The following BCAS4 variants were observed in gnomAD, a reference collection of about 807,000 sequenced individuals.
BCAS4 encodes breast carcinoma-amplified sequence 4.
In BCAS4, 9 loss-of-function variants were observed where a neutral mutation model predicts 15.7. The ratio of observed to expected loss-of-function variants is 0.57; its 90% CI spans 0.34 to 1.00. BCAS4 has a LOEUF of 1.00. BCAS4 is among the 50% of genes least tolerant of loss of function. The probability of loss-of-function intolerance (pLI) is 0.02; values close to 1 mark genes in which losing one functional copy is unlikely to be tolerated. For synonymous variants in BCAS4, 101 were observed against 99.5 expected, an observed-to-expected ratio of 1.02 and a Z score of -0.09; for missense variants, 225 against 239.1, an observed-to-expected ratio of 0.94 and a Z score of 0.39.
Position 50,818,649 on chromosome 20 carries a change from C to T in BCAS4, c.162+367C>T, listed in dbSNP as rs1471429286. 2.0e-5 allele frequency among the ~76,000 whole-genome samples: 3 copies of T among 152,264 alleles called. No individual in the cohort carries two copies. In the East Asian group the frequency reaches 5.8e-4, roughly 29 times the overall value. On this transcript the variant is annotated intron_variant, in intron 2 of 4. Transcript: ENST00000371608. ...ACTTTCCTCAGCTCTGCACCGTCCC[C>T]TGTGCAAACATGGAGACAGCCAGGA...
chr20:50,872,886 A>C (rs1028523347), intron 4 of BCAS4, among the ~76,000 whole-genome samples: 1 of 152,252 alleles, frequency 6.6e-6, no homozygotes, highest in African/African-American at 2.4e-5. Flanking sequence ...CTTCCAGGCC[A>C]GTGGCCCTCC....
chr20:50,860,843 G>A (rs1979029819), intron 4 of BCAS4, among the ~76,000 whole-genome samples: 1 of 151,948 alleles, frequency 6.6e-6, no homozygotes, highest in South Asian at 2.1e-4. Flanking sequence ...CACTGTCCTT[G>A]AGCCTGGCGA....
intron 1 of BCAS4, among the ~76,000 whole-genome samples, chr20:50,812,854 C>T (rs965546369): frequency 6.6e-6 from 1 of 151,728 alleles, no homozygotes; most frequent in Non-Finnish European, 1.5e-5. Flanking sequence ...CTTGCTTTGT[C>T]ATCCAGGCTG....
intron 2 of BCAS4, among the ~76,000 whole-genome samples, chr20:50,826,038 C>A (rs1458563022): frequency 6.6e-6 from 1 of 152,112 alleles, no homozygotes; most frequent in Admixed American, 6.6e-5. Context: ...CCAGCCCATA[C>A]CCCCAAGCTC....
intron 2 of BCAS4, among the ~76,000 whole-genome samples, chr20:50,821,532 T>G (rs1415832987): frequency 2.0e-5 from 3 of 152,220 alleles, no homozygotes; most frequent in African/African-American, 7.2e-5. Context: ...TTGGGGCCTC[T>G]TTTTTCTCTT....
At position 50,845,331 on chromosome 20, in the gene BCAS4, G is replaced by A. The variant is rs188151256; in HGVS notation, c.399+3431G>A. 6.9e-4 allele frequency among the ~76,000 whole-genome samples: 105 copies of A among 152,242 alleles called. 1 individual carries two copies. Among genetic ancestry groups the A allele is most frequent in the Admixed American group, 6.5e-3 (99 of 15,298 alleles). The stretch of plus-strand genomic sequence containing the variant: ...CTCGTAGGGTGCCCAGGCATTCTCA[G>A]TGTCTTCCATCTTGATTATTTCAAA... On this transcript the variant is annotated intron_variant, in intron 4 of 4. Transcript: ENST00000371608.
At chr20:50,816,791 A>ATTTTTTTTTTTTT (rs35600563) in intron 1 of BCAS4, among the ~76,000 whole-genome samples, 5 of 80,924 alleles carry the variant, frequency 6.2e-5, no homozygotes, top group African/African-American at 1.2e-4. Context: ...TGCCTGGCTA[A>ATTTTTTTTTTTTT]TTTTTTTTTT....
intron 4 of BCAS4, among the ~76,000 whole-genome samples, chr20:50,872,308 C>T (rs377246625): frequency 3.5e-5 from 5 of 144,680 alleles, no homozygotes; most frequent in African/African-American, 1.3e-4. Context: ...TGGTGGCTCA[C>T]GCCTGTAATT....
chr20:50,804,678 C>T (rs1421335270), intron 1 of BCAS4, among the ~76,000 whole-genome samples: 1 of 152,174 alleles, frequency 6.6e-6, no homozygotes, highest in Admixed American at 6.5e-5. Context: ...TTTAAATGTT[C>T]GTTACTGTTG....
intron 2 of BCAS4, among the ~76,000 whole-genome samples, chr20:50,829,001 G>A (rs1040574847): frequency 6.6e-5 from 10 of 152,168 alleles, no homozygotes; most frequent in African/African-American, 2.2e-4. Context: ...GGCTCAGAGA[G>A]GTGCAGTGAG....
intron 1 of BCAS4, among the ~76,000 whole-genome samples, chr20:50,796,487 ATTTTTTTTTTTT>A (rs34988437): frequency 7.4e-4 from 5 of 6,776 alleles, no homozygotes; most frequent in African/African-American, 2.4e-3. Context: ...ATATATATAT[ATTTTTTTTTTTT>A]TTTTTTTTTT....
intron 4 of BCAS4, among the ~76,000 whole-genome samples, chr20:50,867,809 G>T (rs1979431393): frequency 6.6e-6 from 1 of 152,216 alleles, no homozygotes; most frequent in Non-Finnish European, 1.5e-5. Flanking sequence ...AGCTACTGGG[G>T]AAACTGAGGC....
intron 4 of BCAS4, among the ~76,000 whole-genome samples, chr20:50,845,060 G>A (rs1162164906): frequency 2.6e-5 from 4 of 152,098 alleles, no homozygotes; most frequent in African/African-American, 7.2e-5. Context: ...GATCATCACC[G>A]CTGGTGTTGG....
chr20:50,841,887 C>T lies in BCAS4; in HGVS notation c.386C>T (p.Pro129Leu). 6.3e-7 allele frequency: 1 copy of T among 1,587,420 alleles called. No homozygotes were observed. Among genetic ancestry groups the T allele is most frequent in the Non-Finnish European group, 8.6e-7 (1 of 1,165,172 alleles). The change falls in exon 4 of 5, where the codon CCC becomes CTC. Residue 129 changes from proline (P) to leucine (L), a missense_variant. Physicochemically the swap from Pro to Leu is moderately conservative, Grantham distance 98. Coordinates refer to ENST00000371608, the MANE Select transcript of BCAS4 (RefSeq NM_198799.4). ...AGGTGGCTGGGATCCGCAGGGCTCC[C>T]CTCCTTCAGGAACGTGAGTATCCTG... ...LRRWLGSAGL[P>L]SFRNKSPAPV...
chr20:50,849,744 G>T (rs1738008051), intron 4 of BCAS4, among the ~76,000 whole-genome samples: 1 of 152,186 alleles, frequency 6.6e-6, no homozygotes, highest in African/African-American at 2.4e-5. Context: ...CTGGACATTT[G>T]GAGGGTTTTT....
chr20:50,875,620 A>G (rs963670750), intron 4 of BCAS4, among the ~76,000 whole-genome samples: 1 of 149,654 alleles, frequency 6.7e-6, no homozygotes, highest in Middle Eastern at 3.4e-3. Flanking sequence ...AAAAAAAAAA[A>G]AAGAAAAAAA....
intron 3 of BCAS4, among the ~76,000 whole-genome samples, chr20:50,835,548 A>G (rs570280311): frequency 4.4e-4 from 67 of 152,046 alleles, no homozygotes; most frequent in African/African-American, 1.5e-3. Context: ...CTGGCCTACT[A>G]TAAGTTTTAG....
chr20:50,797,346 C>T (rs991070839), intron 1 of BCAS4, among the ~76,000 whole-genome samples: 7 of 152,032 alleles, frequency 4.6e-5, no homozygotes, highest in Non-Finnish European at 7.4e-5. Flanking sequence ...ACTGCTGAAT[C>T]GTACACTTTG....
At chr20:50,815,236 T>C (rs1367201815) in intron 1 of BCAS4, among the ~76,000 whole-genome samples, 1 of 152,094 alleles carries the variant, frequency 6.6e-6, no homozygotes, top group Non-Finnish European at 1.5e-5. Flanking sequence ...CCAGGATGGG[T>C]TGCAATGCAC....
Sources: gnomAD v4.1 joint callset for allele counts (sites outside exome capture counted in the v4.1 genomes callset) on GRCh38, gnomAD v4.1.1 for gene constraint, MANE v1.5 for transcripts, NCBI Gene and HGNC (gene_info 2026-07-23, HGNC 2026-07-21) for gene names.